Variants in ANO3 observed in about 807,000 individuals in gnomAD.
ANO3 encodes the protein anoctamin-3.
ANO3 carries 99 observed loss-of-function variants against 144.8 expected under a neutral mutation model. The observed-to-expected ratio is 0.68, with a 90% CI of 0.58 to 0.81. The LOEUF is 0.81. Among genes scored for constraint, ANO3 ranks in the 30% least tolerant of loss-of-function variants. The probability of loss-of-function intolerance (pLI) is 0.00; values close to 1 mark genes in which losing one functional copy is unlikely to be tolerated. For synonymous variants in ANO3, 414 were observed against 392.6 expected (o/e 1.05, Z -0.64); for missense variants, 905 against 1,202.2 (o/e 0.75, Z 3.66).
At chr11:26,613,387 T>C (rs1425486211) in intron 17 of ANO3, among the ~76,000 whole-genome samples, 1 of 152,186 alleles carries the variant, frequency 6.6e-6, no homozygotes, top group African/African-American at 2.4e-5. Context: ...AGATCATTGG[T>C]TATTTTTCGG....
intron 24 of ANO3, among the ~76,000 whole-genome samples, chr11:26,650,518 T>G (rs1290662163): frequency 2.0e-5 from 3 of 152,186 alleles, no homozygotes; most frequent in Non-Finnish European, 4.4e-5. Context: ...TTTTCCCTAG[T>G]GATCCAAAAA....
At chr11:26,597,984 G>A (rs1379450634) in intron 14 of ANO3, among the ~76,000 whole-genome samples, 2 of 152,134 alleles carry the variant, frequency 1.3e-5, no homozygotes, top group South Asian at 2.1e-4. Context: ...AGCTCTGGAC[G>A]AGTAGCATTT....
intron 3 of ANO3, among the ~76,000 whole-genome samples, chr11:26,445,532 G>A (rs1423521146): frequency 6.6e-6 from 1 of 151,740 alleles, no homozygotes; most frequent in Non-Finnish European, 1.5e-5. Flanking sequence ...TCGGTTATTT[G>A]TTCCAGCTGA....
intron 1 of ANO3, among the ~76,000 whole-genome samples, chr11:26,253,412 G>A (rs888925650): frequency 2.6e-5 from 4 of 151,982 alleles, no homozygotes; most frequent in African/African-American, 9.7e-5. Flanking sequence ...GAGGGTGGAG[G>A]GTGAGAGGAG....
chr11:26,480,927 C>T (rs976281590), intron 4 of ANO3, among the ~76,000 whole-genome samples: 1 of 152,126 alleles, frequency 6.6e-6, no homozygotes, highest in Admixed American at 6.6e-5. Context: ...CTGCCACTTA[C>T]ATGCTATGTG....
upstream of ANO3, among the ~76,000 whole-genome samples, chr11:26,327,351 G>C (rs1488838892): frequency 6.6e-6 from 1 of 152,166 alleles, no homozygotes; most frequent in Non-Finnish European, 1.5e-5. Flanking sequence ...ATGCCATTAA[G>C]TGATGTTATT....
chr11:26,439,710 C>G (rs1310098875), intron 1 of ANO3, among the ~76,000 whole-genome samples: 2 of 152,066 alleles, frequency 1.3e-5, no homozygotes, highest in East Asian at 3.9e-4. Context: ...ATACCTAAGA[C>G]ATAATATATA....
intron 10 of ANO3, among the ~76,000 whole-genome samples, chr11:26,540,714 G>T (rs561744890): frequency 6.6e-6 from 1 of 152,048 alleles, no homozygotes; most frequent in Admixed American, 6.6e-5. Flanking sequence ...ACCACTGGTC[G>T]TTAGAGAAAT....
chr11:26,469,814 G>T (rs993446215), intron 4 of ANO3, among the ~76,000 whole-genome samples: 1 of 151,834 alleles, frequency 6.6e-6, no homozygotes, highest in Non-Finnish European at 1.5e-5. Context: ...TATAATGTAA[G>T]AATGAAATAA....
chr11:26,507,263 T>C (rs1449593817), intron 4 of ANO3, among the ~76,000 whole-genome samples: 5 of 152,174 alleles, frequency 3.3e-5, no homozygotes, highest in Admixed American at 3.3e-4. Context: ...AGTAGTGTTT[T>C]AGAAGAATGA....
chr11:26,288,215 T>G (rs1853853117), intron 1 of ANO3, among the ~76,000 whole-genome samples: 1 of 152,170 alleles, frequency 6.6e-6, no homozygotes, highest in African/African-American at 2.4e-5. Context: ...ACTTCACCTG[T>G]GACAGGCCAG....
intron 7 of ANO3, among the ~76,000 whole-genome samples, chr11:26,528,703 G>A (rs977052842): frequency 1.3e-5 from 2 of 152,020 alleles, no homozygotes; most frequent in Admixed American, 6.6e-5. Context: ...CCCAATTTCA[G>A]TGACCAGCAA....
At chr11:26,617,737 A>T (rs191755038) in intron 17 of ANO3, among the ~76,000 whole-genome samples, 1 of 152,348 alleles carries the variant, frequency 6.6e-6, no homozygotes, top group African/African-American at 2.4e-5. Flanking sequence ...AAAGGAAGTG[A>T]ACTATAATAC....
chr11:26,648,573 T>C (rs1467383641), intron 24 of ANO3, among the ~76,000 whole-genome samples: 1 of 149,958 alleles, frequency 6.7e-6, no homozygotes, highest in African/African-American at 2.5e-5. Flanking sequence ...TAATTATCTC[T>C]GGGCATTGCC....
chr11:26,636,328 A>G (rs995708384), intron 20 of ANO3, among the ~76,000 whole-genome samples: 2 of 152,314 alleles, frequency 1.3e-5, no homozygotes, highest in African/African-American at 4.8e-5. Flanking sequence ...AAAAAGTGCT[A>G]TGGTTTGTTT....
In ANO3 at chr11:26,526,772, G is replaced by A. The variant is rs544277041; in HGVS notation, c.737+1093G>A. On this transcript the variant is annotated intron_variant, in intron 7 of 26. Transcript: ENST00000256737. ...AGCTTTTCCTCTTTAAATTAATGATGCTCTTCAACCGAGTCACATTTTTCT... is the reference window on the plus strand; with the variant it reads ...AGCTTTTCCTCTTTAAATTAATGATACTCTTCAACCGAGTCACATTTTTCT... Among the ~76,000 whole-genome samples the A allele has an allele frequency of 4.1e-4, 63 of 152,138 alleles. 1 individual carries two copies. In the South Asian group the frequency reaches 0.013, roughly 31 times the overall value.
intron 1 of ANO3, among the ~76,000 whole-genome samples, chr11:26,228,687 T>C (rs1852311015): frequency 6.6e-6 from 1 of 152,194 alleles, no homozygotes; most frequent in African/African-American, 2.4e-5. Context: ...GAGTTTTCTA[T>C]CACAGGGCAA....
intron 1 of ANO3, among the ~76,000 whole-genome samples, chr11:26,367,348 G>A (rs1278042753): frequency 6.6e-6 from 1 of 152,072 alleles, no homozygotes; most frequent in Admixed American, 6.6e-5. Flanking sequence ...CAAGCTTTTT[G>A]CTAGGACATA....
chr11:26,381,068 C>T (rs1055006136), intron 1 of ANO3, among the ~76,000 whole-genome samples: 5 of 152,036 alleles, frequency 3.3e-5, no homozygotes, highest in Non-Finnish European at 7.4e-5. Context: ...TGAATCGAGG[C>T]CCCTGATGCC....
Sources: allele counts gnomAD v4.1 joint callset (sites outside exome capture counted in the v4.1 genomes callset), GRCh38; gene constraint gnomAD v4.1.1; transcripts MANE v1.5; gene names NCBI Gene and HGNC (gene_info 2026-07-23, HGNC 2026-07-21).